The following NUP54 variants were observed in gnomAD, a reference collection of about 807,000 sequenced individuals.
NUP54 encodes the protein nucleoporin 54, also known as nucleoporin p54.
In NUP54, 27 loss-of-function variants were observed where a neutral mutation model predicts 66.4. The observed-to-expected ratio is 0.41, with a 90% confidence interval of 0.30 to 0.56. NUP54 has a LOEUF of 0.56. Ranked by LOEUF, NUP54 falls within the 20% of genes least tolerant of loss-of-function variation. NUP54 has a pLI of 0.34. For missense variants in NUP54, 486 were observed against 596.3 expected (o/e 0.82, Z 1.93); for synonymous variants, 206 against 210.7 (o/e 0.98, Z 0.19).
Position 76,120,421 on chromosome 4 carries a change from CTTT to C in NUP54, c.1165-2230_1165-2228del, listed in dbSNP as rs59098375. ...CAACCGCATGAGTGTAAAGGGATCT[CTTT>C]TTTTTTTTTTTTTTTTTTTTCCCCA... On this transcript the variant is annotated intron_variant, in intron 9 of 11. Transcript: ENST00000264883. 1.3e-3 allele frequency among the ~76,000 whole-genome samples: 148 copies of C among 117,752 alleles called. 1 individual carries two copies. Among genetic ancestry groups the C allele is most frequent in the East Asian group, 8.7e-3 (37 of 4,252 alleles). 77.2% of individuals were successfully genotyped at this position (117,752 alleles called of 152,430 possible). A position where few individuals can be genotyped will look rare whatever the true frequency, so the allele number is the denominator to read the frequency against.
At chr4:76,119,323 C>CAGA in intron 9 of NUP54, among the ~76,000 whole-genome samples, 1 of 152,208 alleles carries the variant, frequency 6.6e-6, no homozygotes, top group African/African-American at 2.4e-5. Context: ...CACACACACA[C>CAGA]AGATCCAAAA....
At chr4:76,115,532 T>C in intron 11 of NUP54, 38 bp from the exon 12 acceptor site, 1 of 1,532,654 alleles carries the variant, frequency 6.5e-7, no homozygotes. Flanking sequence ...AATGTATTAA[T>C]TTCTTAAAAC....
At chr4:76,148,199 C>G in intron 1 of NUP54, 109 bp downstream of exon 1, 1 of 904,592 alleles carries the variant, frequency 1.1e-6, no homozygotes, top group Non-Finnish European at 1.5e-6. Context: ...TCTAAAGTCT[C>G]CGCGTCGGCG....
At chr4:76,147,134 T>C (rs770826258) in intron 1 of NUP54, among the ~76,000 whole-genome samples, 1 of 152,180 alleles carries the variant, frequency 6.6e-6, no homozygotes, top group Non-Finnish European at 1.5e-5. Context: ...GAAAAATGAC[T>C]GCAGGAGTCC....
At chr4:76,131,788 T>G (rs989782183) in intron 6 of NUP54, among the ~76,000 whole-genome samples, 1 of 152,098 alleles carries the variant, frequency 6.6e-6, no homozygotes, top group African/African-American at 2.4e-5. Flanking sequence ...CAGAGATCTA[T>G]TCTAAAGAAA....
chr4:76,133,061 TA>T (rs68105136), intron 5 of NUP54, among the ~76,000 whole-genome samples: 23,055 of 149,378 alleles, frequency 0.15, 2,737 homozygotes, highest in African/African-American at 0.32. Context: ...TATATATATA[TA>T]TATTTTTAAA....
chr4:76,116,463 T>C (rs538754193), intron 11 of NUP54, among the ~76,000 whole-genome samples: 1 of 152,348 alleles, frequency 6.6e-6, no homozygotes, highest in African/African-American at 2.4e-5. Context: ...TTTCTTTAGA[T>C]ACAACTGTTC....
chr4:76,140,400 C>T (rs1731219375), intron 3 of NUP54, among the ~76,000 whole-genome samples: 1 of 149,164 alleles, frequency 6.7e-6, no homozygotes, highest in Non-Finnish European at 1.5e-5. Context: ...ATTCTCATGT[C>T]TCAGCCTCCC....
At chr4:76,129,837 C>T (rs1417641627) in intron 8 of NUP54, among the ~76,000 whole-genome samples, 1 of 131,636 alleles carries the variant, frequency 7.6e-6, no homozygotes, top group African/African-American at 2.9e-5. Flanking sequence ...TGTGCTCCAG[C>T]CTGGGCGACA....
chr4:76,144,724 G>A (rs928344696), intron 1 of NUP54, among the ~76,000 whole-genome samples: 7 of 152,056 alleles, frequency 4.6e-5, no homozygotes, highest in Non-Finnish European at 4.4e-5. Flanking sequence ...CAATTAAAGG[G>A]GTGGTTAACA....
At chr4:76,132,351 T>TA in intron 6 of NUP54, 172 bp downstream of exon 6, 1 of 440,190 alleles carries the variant, frequency 2.3e-6, no homozygotes, top group East Asian at 3.6e-5. Flanking sequence ...AGCTATATAA[T>TA]AAAAAACTAA....
intron 1 of NUP54, among the ~76,000 whole-genome samples, chr4:76,145,319 A>G (rs1033776338): frequency 4.5e-5 from 2 of 44,116 alleles, no homozygotes; most frequent in Non-Finnish European, 7.7e-5. Context: ...CTCCGTCTCA[A>G]AAAAAAAAAA....
chr4:76,135,708 T>G (rs556685337), intron 4 of NUP54, among the ~76,000 whole-genome samples: 1 of 152,364 alleles, frequency 6.6e-6, no homozygotes, highest in African/African-American at 2.4e-5. Context: ...TCTCACTGGC[T>G]GATAAAGAGA....
At chr4:76,142,963 C>T (rs73826332) in intron 3 of NUP54, among the ~76,000 whole-genome samples, 1,528 of 152,200 alleles carry the variant, frequency 0.01, 25 homozygotes, top group African/African-American at 0.033. Flanking sequence ...TCAAGTTTCT[C>T]CTCACAGAAG....
intron 10 of NUP54, 38 bp from the exon 11 acceptor site, chr4:76,117,812 G>A (rs778563273): frequency 1.4e-5 from 21 of 1,476,958 alleles, no homozygotes; most frequent in East Asian, 1.1e-4. Context: ...AACTGCCGAC[G>A]AAGACTTGTA....
intron 8 of NUP54, among the ~76,000 whole-genome samples, chr4:76,129,587 G>C (rs992671845): frequency 6.6e-6 from 1 of 152,126 alleles, no homozygotes. Flanking sequence ...AAAGTTGGCC[G>C]GGCGCAGTGG....
At chr4:76,120,416 G>C (rs1730178891) in intron 9 of NUP54, among the ~76,000 whole-genome samples, 1 of 140,382 alleles carries the variant, frequency 7.1e-6, no homozygotes, top group Admixed American at 7.7e-5. Flanking sequence ...AGTGTAAAGG[G>C]ATCTCTTTTT....
intron 11 of NUP54, among the ~76,000 whole-genome samples, chr4:76,116,515 G>A (rs927585559): frequency 6.6e-6 from 1 of 152,104 alleles, no homozygotes; most frequent in African/African-American, 2.4e-5. Flanking sequence ...ATGAAAATAA[G>A]CCAAAGCAGT....
intron 9 of NUP54, among the ~76,000 whole-genome samples, chr4:76,119,748 C>T (rs1730144752): frequency 1.3e-5 from 2 of 152,076 alleles, no homozygotes; most frequent in Admixed American, 1.3e-4. Flanking sequence ...TAAAGGCAGA[C>T]TCTTGGTTTG....
Sources: gnomAD v4.1 joint callset for allele counts (sites outside exome capture counted in the v4.1 genomes callset) on GRCh38, gnomAD v4.1.1 for gene constraint, MANE v1.5 for transcripts, NCBI Gene and HGNC (gene_info 2026-07-23, HGNC 2026-07-21) for gene names.